The following ZC3H12B variants were observed in gnomAD, a reference collection of about 807,000 sequenced individuals.
The protein encoded by ZC3H12B is zinc finger CCCH-type containing 12B.
Under a neutral mutation model 43.9 loss-of-function variants are expected in ZC3H12B, and 7 were observed. The observed-to-expected ratio is 0.16, with a 90% CI of 0.09 to 0.30. The LOEUF (loss-of-function observed/expected upper bound fraction) is 0.30. ZC3H12B is among the 10% of genes least tolerant of loss of function. The probability of loss-of-function intolerance (pLI) is 1.00; values close to 1 mark genes in which losing one functional copy is unlikely to be tolerated. For missense variants in ZC3H12B, 475 were observed against 670.2 expected (o/e 0.71, Z 3.22); for synonymous variants, 222 against 241.7 (o/e 0.92, Z 0.76).
At chrX:65,475,331 G>C (rs2067978191) in intron 3 of ZC3H12B, among the ~76,000 whole-genome samples, 1 of 111,334 alleles carries the variant, frequency 9.0e-6, no homozygotes, top group Non-Finnish European at 1.9e-5. Context: ...TCTTTGTAAG[G>C]CAGATCTAGT....
intron 3 of ZC3H12B, among the ~76,000 whole-genome samples, chrX:65,452,265 T>C (rs1006596346): frequency 4.5e-5 from 5 of 111,352 alleles, no homozygotes; most frequent in African/African-American, 1.6e-4. Context: ...GATGACATGA[T>C]TGTATACCTA....
chrX:65,295,195 T>G, the ZC3H12B span, among the ~76,000 whole-genome samples: 1 of 111,292 alleles, frequency 9.0e-6, no homozygotes. Flanking sequence ...AAATTGAAAT[T>G]ATATTAAGTA....
the ZC3H12B span, among the ~76,000 whole-genome samples, chrX:65,195,010 G>A: frequency 9.3e-6 from 1 of 107,035 alleles, no homozygotes; most frequent in African/African-American, 3.4e-5. Context: ...GTTTCTATTT[G>A]TATGGAATAT....
the ZC3H12B span, among the ~76,000 whole-genome samples, chrX:65,347,018 C>T: frequency 1.8e-5 from 2 of 112,160 alleles, no homozygotes; most frequent in South Asian, 7.4e-4. Context: ...GAGATACCTC[C>T]CACTAGGGGC....
the ZC3H12B span, among the ~76,000 whole-genome samples, chrX:65,120,501 A>G: frequency 8.9e-6 from 1 of 111,737 alleles, no homozygotes; most frequent in Admixed American, 9.5e-5. Flanking sequence ...TTGATTTTGT[A>G]TCCTGAGACT....
intron 2 of ZC3H12B, among the ~76,000 whole-genome samples, chrX:65,379,800 C>G (rs1313093154): frequency 8.9e-6 from 1 of 111,977 alleles, no homozygotes; most frequent in African/African-American, 3.3e-5. Flanking sequence ...TCAAGAACTA[C>G]GTGAAGAATG....
the ZC3H12B span, among the ~76,000 whole-genome samples, chrX:65,155,486 T>A: frequency 9.0e-6 from 1 of 111,542 alleles, no homozygotes; most frequent in Admixed American, 9.6e-5. Flanking sequence ...ATTCAAAAGT[T>A]AAATGATCCG....
chrX:65,448,979 G>GAAAAAGAAAGAAAGAAAGAAAGAA (rs1158285090), intron 3 of ZC3H12B, among the ~76,000 whole-genome samples: 15 of 21,640 alleles, frequency 6.9e-4, no homozygotes, highest in African/African-American at 8.0e-4. Context: ...AAGAAAGAAA[G>GAAAAAGAAAGAAAGAAAGAAAGAA]AGAAAGAAAG....
the ZC3H12B span, among the ~76,000 whole-genome samples, chrX:65,279,538 C>A: frequency 2.7e-5 from 3 of 110,784 alleles, no homozygotes; most frequent in Middle Eastern, 4.7e-3. Context: ...TTAAGCTGGA[C>A]CCCATCCTTA....
At chrX:65,222,587 T>C in the ZC3H12B span, among the ~76,000 whole-genome samples, 1 of 100,044 alleles carries the variant, frequency 1.0e-5, no homozygotes, top group Admixed American at 1.1e-4. Flanking sequence ...TTCAACCCCT[T>C]TTACAATAGC....
the ZC3H12B span, among the ~76,000 whole-genome samples, chrX:65,301,155 A>T: frequency 9.0e-6 from 1 of 111,209 alleles, no homozygotes; most frequent in African/African-American, 3.3e-5. Context: ...CTCCTTCAAG[A>T]ATGGCCATAA....
At chrX:65,185,290 A>C in the ZC3H12B span, 1 of 112,312 alleles carries the variant, frequency 8.9e-6, no homozygotes, top group Non-Finnish European at 1.9e-5. Context: ...AGATCAAAAT[A>C]GCCAACAAAT....
At chrX:65,068,445 C>G in the ZC3H12B span, among the ~76,000 whole-genome samples, 2 of 110,789 alleles carry the variant, frequency 1.8e-5, no homozygotes, top group South Asian at 7.5e-4. Flanking sequence ...ATTATTTTAA[C>G]CTTATAACTT....
At chrX:65,314,237 C>CA in the ZC3H12B span, among the ~76,000 whole-genome samples, 24 of 107,828 alleles carry the variant, frequency 2.2e-4, no homozygotes, top group South Asian at 1.2e-3. Flanking sequence ...GAGAGGAGTA[C>CA]AAAAAAAAAT....
chrX:65,159,283 A>G, the ZC3H12B span, among the ~76,000 whole-genome samples: 1 of 111,559 alleles, frequency 9.0e-6, no homozygotes, highest in South Asian at 3.7e-4. Context: ...TATGAACTTT[A>G]GTTTTTTCCA....
At chrX:65,490,360 A>T (rs982937543) in intron 1 of ZC3H12B, among the ~76,000 whole-genome samples, 2 of 85,257 alleles carry the variant, frequency 2.3e-5, no homozygotes, top group Non-Finnish European at 4.4e-5. Flanking sequence ...GGCCTTTCTC[A>T]CCCATTGGAC....
the ZC3H12B span, among the ~76,000 whole-genome samples, chrX:65,123,708 A>G: frequency 3.9e-5 from 4 of 102,370 alleles, no homozygotes; most frequent in Non-Finnish European, 7.9e-5. Flanking sequence ...GGGTAGGTAG[A>G]TTCCTAAGTT....
At chrX:65,323,102 T>A in the ZC3H12B span, among the ~76,000 whole-genome samples, 1 of 112,069 alleles carries the variant, frequency 8.9e-6, no homozygotes, top group Non-Finnish European at 1.9e-5. Context: ...ACAGCAACTA[T>A]TTAACTTCTT....
At chrX:65,477,817 C>G (rs886261771) in intron 3 of ZC3H12B, among the ~76,000 whole-genome samples, 15 of 92,982 alleles carry the variant, frequency 1.6e-4, no homozygotes, top group African/African-American at 5.7e-4. Flanking sequence ...AAACATTCCT[C>G]TGTGTGTGTG....
Sources: gnomAD v4.1 joint callset for allele counts (sites outside exome capture counted in the v4.1 genomes callset) on GRCh38, gnomAD v4.1.1 for gene constraint, MANE v1.5 for transcripts, NCBI Gene and HGNC (gene_info 2026-07-23, HGNC 2026-07-21) for gene names.